Variants in TASP1 observed in about 807,000 individuals in gnomAD.
TASP1 encodes the protein taspase 1, also known as threonine aspartase 1.
A neutral mutation model predicts 56.6 loss-of-function variants in TASP1; 16 were observed. The ratio of observed to expected loss-of-function variants is 0.28; its 90% CI spans 0.19 to 0.43. The LOEUF (loss-of-function observed/expected upper bound fraction) is 0.43, where lower values mean the gene tolerates loss of function less well. Among genes scored for constraint, TASP1 ranks in the 20% least tolerant of loss-of-function variants. The probability of loss-of-function intolerance (pLI) is 1.00; values close to 1 mark genes in which losing one functional copy is unlikely to be tolerated. For missense variants in TASP1, 393 were observed against 511.6 expected (o/e 0.77, Z 2.24); for synonymous variants, 179 against 184.2 (o/e 0.97, Z 0.23).
chr20:13,280,012 G>A, the TASP1 span: 2 of 1,011,530 alleles, frequency 2.0e-6, no homozygotes, highest in Non-Finnish European at 2.8e-6. Flanking sequence ...GGTCTTCTGT[G>A]AGGCAAACCT....
At chr20:13,245,899 A>G in the TASP1 span, among the ~76,000 whole-genome samples, 1 of 152,002 alleles carries the variant, frequency 6.6e-6, no homozygotes, top group Non-Finnish European at 1.5e-5. Context: ...TTAGACTCTC[A>G]CTATTCCTTG....
the TASP1 span, among the ~76,000 whole-genome samples, chr20:13,175,227 T>A: frequency 6.6e-6 from 1 of 152,180 alleles, no homozygotes; most frequent in South Asian, 2.1e-4. Context: ...GGAAACATGA[T>A]GATCTCACCA....
the TASP1 span, among the ~76,000 whole-genome samples, chr20:13,113,581 T>A: frequency 1.3e-5 from 2 of 152,208 alleles, no homozygotes; most frequent in Non-Finnish European, 2.9e-5. Context: ...TATTCATATG[T>A]AGAATATAGA....
chr20:13,547,323 AAAGG>A (rs2045844502), intron 8 of TASP1, among the ~76,000 whole-genome samples: 1 of 152,210 alleles, frequency 6.6e-6, no homozygotes, highest in Non-Finnish European at 1.5e-5. Flanking sequence ...GCTAGCTCAT[AAAGG>A]AAGAGTTGAA....
At chr20:13,288,501 T>C in the TASP1 span, 6 of 1,603,428 alleles carry the variant, frequency 3.7e-6, no homozygotes, top group Non-Finnish European at 5.1e-6. Flanking sequence ...GGAGACTCTT[T>C]GGCCAAAGTT....
At chr20:13,521,622 G>A (rs1449211167) in intron 10 of TASP1, among the ~76,000 whole-genome samples, 1 of 148,694 alleles carries the variant, frequency 6.7e-6, no homozygotes, top group Non-Finnish European at 1.5e-5. Context: ...TCACACACCG[G>A]GGCTTGTTGT....
chr20:13,479,172 A>G (rs1326091560), intron 11 of TASP1, among the ~76,000 whole-genome samples: 2 of 152,216 alleles, frequency 1.3e-5, no homozygotes, highest in African/African-American at 4.8e-5. Context: ...AATGAGACTC[A>G]GAATGAATGA....
At position 13,574,701 on chromosome 20, in the gene TASP1, C is replaced by A. The variant is rs527348301; in HGVS notation, c.489-5115G>T. On this transcript the variant is annotated intron_variant, in intron 6 of 13. Transcript: ENST00000337743. ...AATACATAAAGAAATAAAACACAAG[C>A]TGAATGGGATTAGCAGGTAATTAGA... 3.9e-5 allele frequency among the ~76,000 whole-genome samples: 6 copies of A among 152,046 alleles called. 1 individual carries two copies. The South Asian group carries it at 1.0e-3, about 26-fold the overall frequency.
the TASP1 span, among the ~76,000 whole-genome samples, chr20:13,152,203 G>A: frequency 1.3e-5 from 2 of 152,122 alleles, no homozygotes; most frequent in Admixed American, 1.3e-4. Context: ...TTCTCCTTGC[G>A]TATAACATAG....
At chr20:13,579,092 G>C (rs2147199645) in intron 6 of TASP1, among the ~76,000 whole-genome samples, 1 of 152,194 alleles carries the variant, frequency 6.6e-6, no homozygotes, top group Non-Finnish European at 1.5e-5. Flanking sequence ...TCCCTACTGG[G>C]TACATATCTT....
At chr20:13,551,442 C>T (rs1971610686) in intron 8 of TASP1, among the ~76,000 whole-genome samples, 1 of 151,746 alleles carries the variant, frequency 6.6e-6, no homozygotes. Context: ...ACTATTTCAA[C>T]AATATGCTTG....
chr20:13,299,188 T>C, the TASP1 span: 6 of 1,606,044 alleles, frequency 3.7e-6, no homozygotes, highest in African/African-American at 8.0e-5. The surrounding 1 kb of genome is among the most constrained non-coding windows in gnomAD (Gnocchi z 5.8). Context: ...ATGCTGTCCC[T>C]GGAGAGCACC....
chr20:13,398,613 CT>C (rs1484245151), intron 13 of TASP1, among the ~76,000 whole-genome samples: 1 of 152,116 alleles, frequency 6.6e-6, no homozygotes, highest in African/African-American at 2.4e-5. Context: ...TGAAACTTTC[CT>C]TTTATTTTAC....
chr20:13,297,620 G>C, the TASP1 span, among the ~76,000 whole-genome samples: 1 of 152,138 alleles, frequency 6.6e-6, no homozygotes, highest in Non-Finnish European at 1.5e-5. Context: ...TGCTGAGCTG[G>C]GGACCTTCGG....
intron 11 of TASP1, among the ~76,000 whole-genome samples, chr20:13,481,071 T>C (rs1019459069): frequency 1.3e-5 from 2 of 152,100 alleles, no homozygotes; most frequent in African/African-American, 4.8e-5. Context: ...TATTTTTTTG[T>C]ACCTGTTAAG....
chr20:13,215,647 T>G, the TASP1 span, among the ~76,000 whole-genome samples: 1 of 152,212 alleles, frequency 6.6e-6, no homozygotes, highest in Non-Finnish European at 1.5e-5. Context: ...CGCTCCAGCC[T>G]TGTTCTGGGG....
At chr20:13,415,157 G>C (rs1042612986) in intron 13 of TASP1, among the ~76,000 whole-genome samples, 1 of 152,128 alleles carries the variant, frequency 6.6e-6, no homozygotes, top group African/African-American at 2.4e-5. Context: ...CATTATGGAG[G>C]AACATGTTTC....
At chr20:13,579,837 A>G (rs147768433) in intron 6 of TASP1, among the ~76,000 whole-genome samples, 64 of 152,344 alleles carry the variant, frequency 4.2e-4, no homozygotes, top group African/African-American at 1.5e-3. Context: ...TGGGACATAT[A>G]TAATTAAAAT....
chr20:13,372,389 C>A, the TASP1 span, among the ~76,000 whole-genome samples: 4 of 152,076 alleles, frequency 2.6e-5, no homozygotes, highest in Non-Finnish European at 5.9e-5. Flanking sequence ...AGACTATAAC[C>A]GTATCCTGGG....
Sources: gnomAD v4.1 joint callset for allele counts (sites outside exome capture counted in the v4.1 genomes callset) on GRCh38, gnomAD v4.1.1 for gene constraint, Gnocchi (gnomAD v3.1) non-coding constraint, MANE v1.5 for transcripts, NCBI Gene and HGNC (gene_info 2026-07-23, HGNC 2026-07-21) for gene names.